ZNF559: variants seen among roughly 807,000 people sequenced by gnomAD.
ZNF559 encodes the protein putative protein product of Nbla00121.
Under a neutral mutation model 14.2 loss-of-function variants are expected in ZNF559, and 17 were observed. That is an observed-to-expected ratio of 1.20 (90% CI 0.82 to 1.80). ZNF559 has a LOEUF of 1.80. Ranked by LOEUF, ZNF559 falls within the 40% of genes most tolerant of loss-of-function variation. The probability of loss-of-function intolerance (pLI) is 0.00; values close to 1 mark genes in which losing one functional copy is unlikely to be tolerated. For synonymous variants in ZNF559, 244 were observed against 212.4 expected (o/e 1.15, Z -1.29); for missense variants, 740 against 629.7 (o/e 1.18, Z -1.88).
chr19:9,343,544 A>T lies in ZNF559; in HGVS notation c.*476A>T. The T allele has an allele frequency of 1.0e-6, 1 of 992,318 alleles. No homozygotes were observed. Among genetic ancestry groups the T allele is most frequent in the Non-Finnish European group, 1.2e-6 (1 of 833,392 alleles). 61.5% of individuals were successfully genotyped at this position (992,318 alleles called of 1,614,324 possible). A position where few individuals can be genotyped will look rare whatever the true frequency, so the allele number is the denominator to read the frequency against. ...TCAGCTGTGATCTCACAAGTGTGAAAAATCTTATGAATGTAAAATGTGTGG... is the reference window on the plus strand; with the variant it reads ...TCAGCTGTGATCTCACAAGTGTGAATAATCTTATGAATGTAAAATGTGTGG... On this transcript the variant is annotated 3_prime_UTR_variant, in exon 7 of 7. Coordinates refer to ENST00000603380, the MANE Select transcript of ZNF559 (RefSeq NM_032497.3).
chr19:9,338,309 A>ACT (rs370297851), intron 3 of ZNF559, among the ~76,000 whole-genome samples, 185 bp from the exon 4 acceptor site: 2 of 151,866 alleles, frequency 1.3e-5, no homozygotes, highest in African/African-American at 4.8e-5. Context: ...GGATTGTTAA[A>ACT]CTCTCTCTCT....
intron 1 of ZNF559, 50 bp from the exon 2 acceptor site, chr19:9,324,643 GGA>G: frequency 8.3e-7 from 1 of 1,211,266 alleles, no homozygotes; most frequent in Non-Finnish European, 1.1e-6. Context: ...CATCTCTAAT[GGA>G]AAAAAAAAAA....
chr19:9,324,753 A>C lies in ZNF559; in HGVS notation c.-147A>C. On this transcript the variant is annotated 5_prime_UTR_variant, in exon 2 of 7. Coordinates refer to ENST00000603380, the MANE Select transcript of ZNF559 (RefSeq NM_032497.3). ...CTTCGCTTGGTGTCCTCCTGGCCTC[A>C]GCAACCTGACAATTCTGTCGTGTCC... The C allele has an allele frequency of 6.5e-7, 1 of 1,535,762 alleles. No individual in the cohort carries two copies.
chr19:9,336,004 CAAAGT>C (rs1286550682), intron 2 of ZNF559, among the ~76,000 whole-genome samples: 1 of 152,192 alleles, frequency 6.6e-6, no homozygotes, highest in Non-Finnish European at 1.5e-5. Context: ...AATGTGAAAG[CAAAGT>C]AAAGAAATTA....
rs1372819887 is a variant in ZNF559 at position 9,336,605 on chromosome 19, CAAAA to C, written c.-119-1185_-119-1182del. Among the ~76,000 whole-genome samples the C allele has an allele frequency of 2.7e-5, 4 of 149,716 alleles. No homozygotes were observed. In the East Asian group the frequency reaches 7.8e-4, roughly 29 times the overall value. ...GCGAGACTCCATCTCAAAAAAAAAA[CAAAA>C]AAAAACTTATGTGTTTATTATCTGC... On this transcript the variant is annotated intron_variant, in intron 2 of 6. Coordinates refer to ENST00000603380, the MANE Select transcript of ZNF559 (RefSeq NM_032497.3).
chr19:9,336,582 G>A (rs1043555373), intron 2 of ZNF559, among the ~76,000 whole-genome samples: 1 of 151,230 alleles, frequency 6.6e-6, no homozygotes, highest in Non-Finnish European at 1.5e-5. Flanking sequence ...GCGACAGAGC[G>A]AGACTCCATC....
chr19:9,344,164 C>T lies in ZNF559; in HGVS notation c.*1096C>T, dbSNP rs980857599. On this transcript the variant is annotated 3_prime_UTR_variant, in exon 7 of 7. Transcript: ENST00000603380. Reference sequence around the variant, plus strand: ...GAGGTTGAGGCAGAATTGCTTGAACCCGGGAGGCGGAAGCTGCAGTGAGCT... The same window carrying T: ...GAGGTTGAGGCAGAATTGCTTGAACTCGGGAGGCGGAAGCTGCAGTGAGCT... The T allele has an allele frequency of 6.6e-6, 1 of 151,980 alleles. No individual in the cohort carries two copies. The highest frequency in any genetic ancestry group is 2.4e-5 in the African/African-American group (1 of 41,356). The allele number at this position is 151,980 out of a possible 1,614,324, so 9.4% of individuals were successfully genotyped here. A position where few individuals can be genotyped will look rare whatever the true frequency, so the allele number is the denominator to read the frequency against.
At chr19:9,337,392 A>C (rs905472742) in intron 2 of ZNF559, among the ~76,000 whole-genome samples, 21 of 152,190 alleles carry the variant, frequency 1.4e-4, no homozygotes, top group African/African-American at 4.6e-4. Flanking sequence ...TCTCTCACAA[A>C]CTGAGCCAAG....
chr19:9,332,085 G>C (rs1299936812), intron 2 of ZNF559, among the ~76,000 whole-genome samples: 2 of 151,818 alleles, frequency 1.3e-5, no homozygotes, highest in Non-Finnish European at 2.9e-5. Context: ...TTACCTTAAA[G>C]TATAATGTTA....
At chr19:9,330,567 T>C (rs2066884983) in intron 2 of ZNF559, among the ~76,000 whole-genome samples, 1 of 152,220 alleles carries the variant, frequency 6.6e-6, no homozygotes, top group Non-Finnish European at 1.5e-5. Context: ...ATTCTTCTGT[T>C]TGATGATGTC....
intron 5 of ZNF559, among the ~76,000 whole-genome samples, chr19:9,340,733 A>ATTT (rs201367378): frequency 4.8e-5 from 6 of 124,658 alleles, no homozygotes; most frequent in African/African-American, 1.9e-4. Flanking sequence ...TGCCTGGCTA[A>ATTT]TTTTTTTTTT....
chr19:9,328,858 ACTT>A (rs1233774773), intron 2 of ZNF559, among the ~76,000 whole-genome samples: 9 of 152,280 alleles, frequency 5.9e-5, no homozygotes, highest in South Asian at 4.1e-4. Context: ...GTAAATGGAT[ACTT>A]CTTCTTGGTG....
rs1213857670 is a variant in ZNF559, at chr19:9,343,293, C to A, written c.*225C>A. 7.5e-7 allele frequency: 1 copy of A among 1,328,892 alleles called. No homozygotes were observed. 82.3% of individuals were successfully genotyped at this position (1,328,892 alleles called of 1,614,324 possible). A position where few individuals can be genotyped will look rare whatever the true frequency, so the allele number is the denominator to read the frequency against. On this transcript the variant is annotated 3_prime_UTR_variant, in exon 7 of 7. Transcript: ENST00000603380. ...AGGCCTTACTATTCATGTGTCTGTG[C>A]ATCCTAGGAAACAAACTGAACGTAG...
rs2066484306 is a variant in ZNF559 at position 9,324,737 on chromosome 19, G to C, written c.-163G>C. The C allele has an allele frequency of 9.1e-6, 14 of 1,535,618 alleles. No homozygotes were observed. The East Asian group carries it at 3.4e-4, about 38-fold the overall frequency. The stretch of plus-strand genomic sequence containing the variant: ...TCCTGTTCACGGTGACCTTCGCTTG[G>C]TGTCCTCCTGGCCTCAGCAACCTGA... On this transcript the variant is annotated 5_prime_UTR_variant, in exon 2 of 7. Transcript: ENST00000603380.
At chr19:9,337,753 A>G in intron 2 of ZNF559, 43 bp from the exon 3 acceptor site, 1 of 1,358,150 alleles carries the variant, frequency 7.4e-7, no homozygotes, top group Non-Finnish European at 9.6e-7. Flanking sequence ...CACGTGGCAT[A>G]ATACTCTAGT....
At chr19:9,334,640 C>T (rs191782098) in intron 2 of ZNF559, among the ~76,000 whole-genome samples, 28 of 152,220 alleles carry the variant, frequency 1.8e-4, no homozygotes, top group Non-Finnish European at 2.8e-4. Context: ...ATTAATGATG[C>T]ATTATACCTT....
At chr19:9,329,362 T>C (rs752394175) in intron 2 of ZNF559, among the ~76,000 whole-genome samples, 12 of 152,188 alleles carry the variant, frequency 7.9e-5, no homozygotes, top group Admixed American at 1.3e-4. Context: ...TGTTATCATA[T>C]TGCTTTTTCT....
chr19:9,340,685 GCCT>G (rs1318587675), intron 5 of ZNF559, among the ~76,000 whole-genome samples: 2 of 149,672 alleles, frequency 1.3e-5, no homozygotes, highest in African/African-American at 4.9e-5. Flanking sequence ...CCCTGCCTCA[GCCT>G]CCTGAGTAGC....
At chr19:9,325,420 C>A (rs2066527132) in intron 2 of ZNF559, among the ~76,000 whole-genome samples, 1 of 150,786 alleles carries the variant, frequency 6.6e-6, no homozygotes, top group African/African-American at 2.5e-5. Flanking sequence ...CCAGCTTAGG[C>A]AACAGAGTGA....
Sources: allele counts gnomAD v4.1 joint callset (sites outside exome capture counted in the v4.1 genomes callset), GRCh38; gene constraint gnomAD v4.1.1; transcripts MANE v1.5; gene names NCBI Gene and HGNC (gene_info 2026-07-23, HGNC 2026-07-21).